MECOM: variants seen among roughly 807,000 people sequenced by gnomAD.
MECOM encodes the protein histone-lysine N-methyltransferase MECOM.
Under a neutral mutation model 116.3 loss-of-function variants are expected in MECOM, and 13 were observed. That is an observed-to-expected ratio of 0.11 (90% confidence interval 0.07 to 0.18). The LOEUF (loss-of-function observed/expected upper bound fraction) is 0.18. Ranked by LOEUF, MECOM falls within the 10% of genes least tolerant of loss-of-function variation. MECOM has a pLI of 1.00. For synonymous variants in MECOM, 528 were observed against 535.2 expected (o/e 0.99, Z 0.19); for missense variants, 1,299 against 1,509.0 (o/e 0.86, Z 2.31).
intron 1 of MECOM, among the ~76,000 whole-genome samples, chr3:169,506,870 T>A (rs1379014439): frequency 6.6e-6 from 1 of 152,214 alleles, no homozygotes; most frequent in Admixed American, 6.5e-5. Context: ...AGTGTGTGTA[T>A]CTGCCTCCCA....
chr3:169,088,734 T>C (rs1357191261), intron 16 of MECOM, among the ~76,000 whole-genome samples: 3 of 152,112 alleles, frequency 2.0e-5, no homozygotes, highest in Admixed American at 6.6e-5. Context: ...AGTAAGAGAA[T>C]TGCAAAGTCA....
chr3:169,567,667 C>CTGTAGACT (rs1451922057), intron 1 of MECOM, among the ~76,000 whole-genome samples: 1 of 152,164 alleles, frequency 6.6e-6, no homozygotes, highest in East Asian at 1.9e-4. Context: ...AAACTCCAGT[C>CTGTAGACT]TGTAGACTTC....
At position 169,127,888 on chromosome 3, in the gene MECOM, G is replaced by T. The variant is rs140743987; in HGVS notation, c.786C>A (p.Ile262=). 2 of 1,613,972 alleles carry T rather than the reference G, an allele frequency of 1.2e-6. No individual in the cohort carries two copies. Among genetic ancestry groups the T allele is most frequent in the Non-Finnish European group, 1.7e-6 (2 of 1,179,910 alleles). Reference sequence around the variant, plus strand: ...CTTGGTCACATTCCTTACACTCCTGGATCGTGTGTATCTCTTGGAGATCAT... The same window carrying T: ...CTTGGTCACATTCCTTACACTCCTGTATCGTGTGTATCTCTTGGAGATCAT... ...SENDLQEIHT[I]QECKECDQVF... The change falls in exon 5 of 17, where the codon ATC becomes ATA. Residue 262 remains isoleucine, a synonymous_variant. Transcript: ENST00000651503.
chr3:169,558,342 T>G (rs915257151), intron 1 of MECOM, among the ~76,000 whole-genome samples: 4 of 152,216 alleles, frequency 2.6e-5, no homozygotes. Context: ...TGCTCACTTA[T>G]GTCAAATCTA....
chr3:169,380,250 C>G (rs1345002069), intron 2 of MECOM, among the ~76,000 whole-genome samples: 1 of 151,966 alleles, frequency 6.6e-6, no homozygotes, highest in African/African-American at 2.4e-5. Context: ...TGCTATGAAA[C>G]CAAAGGTCAA....
intron 1 of MECOM, among the ~76,000 whole-genome samples, chr3:169,390,546 A>G (rs1388460289): frequency 6.6e-6 from 1 of 152,180 alleles, no homozygotes; most frequent in Non-Finnish European, 1.5e-5. Context: ...TTCACATGCT[A>G]AAGAGTGACC....
chr3:169,573,851 A>C (rs1049483087), intron 1 of MECOM, among the ~76,000 whole-genome samples: 1 of 152,234 alleles, frequency 6.6e-6, no homozygotes, highest in African/African-American at 2.4e-5. Context: ...GATATGTTAA[A>C]GACCACGTTG....
chr3:169,195,400 CTG>C (rs1234213975), intron 2 of MECOM, among the ~76,000 whole-genome samples: 1 of 152,022 alleles, frequency 6.6e-6, no homozygotes, highest in Non-Finnish European at 1.5e-5. Context: ...GCCGCATAAA[CTG>C]TGTTTGTTCT....
chr3:169,527,382 G>T (rs1208476857), intron 1 of MECOM, among the ~76,000 whole-genome samples: 1 of 152,218 alleles, frequency 6.6e-6, no homozygotes, highest in Non-Finnish European at 1.5e-5. Context: ...TCAACAGTTT[G>T]AAAGGTATTT....
At chr3:169,576,956 C>G (rs1387478222) in intron 1 of MECOM, among the ~76,000 whole-genome samples, 5 of 151,986 alleles carry the variant, frequency 3.3e-5, no homozygotes. Context: ...CTGGCCGGGC[C>G]AAGATAGATA....
intron 12 of MECOM, among the ~76,000 whole-genome samples, chr3:169,099,916 A>T (rs1161427534): frequency 6.6e-6 from 1 of 152,086 alleles, no homozygotes; most frequent in Non-Finnish European, 1.5e-5. Flanking sequence ...CCAATGTGTC[A>T]TATGACTAAT....
intron 1 of MECOM, among the ~76,000 whole-genome samples, chr3:169,501,868 CTG>C (rs1184411468): frequency 6.6e-6 from 1 of 152,000 alleles, no homozygotes; most frequent in Non-Finnish European, 1.5e-5. Flanking sequence ...GGATAAAACA[CTG>C]TGCAGAAGTA....
chr3:169,510,088 G>T (rs1285373290), intron 1 of MECOM, among the ~76,000 whole-genome samples: 2 of 152,208 alleles, frequency 1.3e-5, no homozygotes, highest in East Asian at 3.8e-4. Context: ...GCCAGTTAAG[G>T]CAAAAGCCAA....
In MECOM at chr3:169,084,881, G is replaced by C; in HGVS notation, c.*28C>G. The C allele has an allele frequency of 6.2e-7, 1 of 1,613,554 alleles. No homozygotes were observed. The highest frequency in any genetic ancestry group is 8.5e-7 in the Non-Finnish European group (1 of 1,179,716). On this transcript the variant is annotated 3_prime_UTR_variant, in exon 17 of 17. Coordinates refer to ENST00000651503, the MANE Select transcript of MECOM (RefSeq NM_004991.4). ...AAAGAGCCATGCTACTGTTGGACTT[G>C]GTCCCACTCTGGTCAACCTTGATAA...
At chr3:169,457,874 T>C (rs776748398) in intron 1 of MECOM, among the ~76,000 whole-genome samples, 5 of 152,236 alleles carry the variant, frequency 3.3e-5, no homozygotes, top group Non-Finnish European at 7.3e-5. Context: ...GAAAATGTGA[T>C]GTAACCTAAG....
intron 2 of MECOM, among the ~76,000 whole-genome samples, chr3:169,341,923 G>A (rs1441344561): frequency 6.6e-6 from 1 of 151,950 alleles, no homozygotes; most frequent in African/African-American, 2.4e-5. Context: ...ATTTCACATT[G>A]TATGACTGTA....
At chr3:169,498,237 G>A (rs369833716) in intron 1 of MECOM, among the ~76,000 whole-genome samples, 181 of 152,230 alleles carry the variant, frequency 1.2e-3, no homozygotes, top group African/African-American at 4.1e-3. Context: ...GTTTACCTGT[G>A]TGAAAAATAT....
intron 2 of MECOM, among the ~76,000 whole-genome samples, chr3:169,277,553 G>C (rs1235765076): frequency 6.6e-6 from 1 of 152,174 alleles, no homozygotes; most frequent in African/African-American, 2.4e-5. Flanking sequence ...GTTGAGCACA[G>C]AGCCAGTCCC....
chr3:169,189,855 G>A (rs1747289108), intron 2 of MECOM, among the ~76,000 whole-genome samples: 1 of 152,010 alleles, frequency 6.6e-6, no homozygotes, highest in African/African-American at 2.4e-5. Flanking sequence ...ATGTTCCTAA[G>A]TGCTAACATA....
Sources: gnomAD v4.1 joint callset for allele counts (sites outside exome capture counted in the v4.1 genomes callset) on GRCh38, gnomAD v4.1.1 for gene constraint, MANE v1.5 for transcripts, NCBI Gene and HGNC (gene_info 2026-07-23, HGNC 2026-07-21) for gene names.